The following CANX variants were observed in gnomAD, a reference collection of about 807,000 sequenced individuals.
CANX encodes the protein calnexin, also known as epididymis secretory sperm binding protein.
In CANX, 14 loss-of-function variants were observed where a neutral mutation model predicts 75.7. The ratio of observed to expected loss-of-function variants is 0.19; its 90% CI spans 0.12 to 0.29. The LOEUF (loss-of-function observed/expected upper bound fraction) is 0.29. Among genes scored for constraint, CANX ranks in the 10% least tolerant of loss-of-function variants. CANX has a pLI of 1.00. For synonymous variants in CANX, 227 were observed against 236.9 expected, an observed-to-expected ratio of 0.96 and a Z score of 0.38; for missense variants, 567 against 713.2, an observed-to-expected ratio of 0.79 and a Z score of 2.34.
At chr5:179,724,583 C>G (rs1379564747) in intron 12 of CANX, 74 bp from the exon 13 acceptor site, 3 of 1,282,740 alleles carry the variant, frequency 2.3e-6, no homozygotes, top group Non-Finnish European at 3.4e-6. Flanking sequence ...AGAACTTTGC[C>G]TGTAGGCATT....
At chr5:179,714,528 T>A (rs1024130125) in intron 7 of CANX, among the ~76,000 whole-genome samples, 1 of 151,936 alleles carries the variant, frequency 6.6e-6, no homozygotes, top group Non-Finnish European at 1.5e-5. Context: ...ATTTTTATTT[T>A]TTTTTTTGAG....
intron 9 of CANX, among the ~76,000 whole-genome samples, chr5:179,720,121 A>G (rs1008850324): frequency 6.6e-6 from 1 of 152,138 alleles, no homozygotes. Flanking sequence ...GTGAGCCACC[A>G]CACCCAGCAT....
upstream of CANX, among the ~76,000 whole-genome samples, chr5:179,695,701 A>G (rs1364267084): frequency 6.7e-6 from 1 of 149,236 alleles, no homozygotes; most frequent in Admixed American, 6.8e-5. Context: ...CCCAGGCTGG[A>G]GTGCTGTGGC....
upstream of CANX, among the ~76,000 whole-genome samples, chr5:179,696,267 CTTTTTTTTTTTTTT>C (rs34048949): frequency 1.2e-4 from 7 of 56,736 alleles, no homozygotes; most frequent in South Asian, 4.1e-3. Flanking sequence ...AGTGTCATTT[CTTTTTTTTTTTTTT>C]TTTTTTTTTT....
At chr5:179,711,161 C>T (rs1436614114) in intron 7 of CANX, among the ~76,000 whole-genome samples, 1 of 152,220 alleles carries the variant, frequency 6.6e-6, no homozygotes, top group Non-Finnish European at 1.5e-5. Context: ...TGGTGGCCCA[C>T]ACCTGTAATC....
intron 7 of CANX, among the ~76,000 whole-genome samples, chr5:179,713,550 A>C (rs963485307): frequency 1.3e-5 from 2 of 152,218 alleles, no homozygotes; most frequent in East Asian, 3.8e-4. Context: ...ACAGTAGGGA[A>C]ATTATAGTTA....
intron 12 of CANX, 25 bp from the exon 13 acceptor site, chr5:179,724,632 A>G: frequency 1.2e-6 from 2 of 1,606,912 alleles, no homozygotes; most frequent in Non-Finnish European, 1.7e-6. Context: ...ATGTAAACAA[A>G]ATTGTACTTT....
At chr5:179,680,325 G>T (rs1257319431) in intron 1 of CANX, among the ~76,000 whole-genome samples, 1 of 152,130 alleles carries the variant, frequency 6.6e-6, no homozygotes, top group Non-Finnish European at 1.5e-5. Context: ...CAATCTGGGA[G>T]GATATCTAGC....
Position 179,707,202 on chromosome 5 carries a change from A to G in CANX, c.304+12A>G. Reference sequence around the variant, plus strand: ...TGCCAAATATGATGGTGAGAATCCCATTTGGTTTAGATATAATAGCAGATA... The same window carrying G: ...TGCCAAATATGATGGTGAGAATCCCGTTTGGTTTAGATATAATAGCAGATA... On this transcript the variant is annotated intron_variant, in intron 4 of 14. Coordinates refer to ENST00000247461, the MANE Select transcript of CANX (RefSeq NM_001746.4). The G allele has an allele frequency of 6.7e-7, 1 of 1,490,924 alleles. No individual in the cohort carries two copies. The highest frequency in any genetic ancestry group is 9.4e-7 in the Non-Finnish European group (1 of 1,067,906). The allele number at this position is 1,490,924 out of a possible 1,614,324, so 92.4% of individuals were successfully genotyped here.
At chr5:179,717,370 CCT>C (rs953330975) in intron 8 of CANX, among the ~76,000 whole-genome samples, 11 of 152,160 alleles carry the variant, frequency 7.2e-5, no homozygotes, top group African/African-American at 2.2e-4. Context: ...GCGGCCACTC[CCT>C]GTTTCCTCCC....
At chr5:179,679,132 G>T (rs1004550669) in intron 1 of CANX, 6 of 1,535,680 alleles carry the variant, frequency 3.9e-6, no homozygotes, top group Non-Finnish European at 5.2e-6. Flanking sequence ...AGCACTCGAA[G>T]GTTGCCAGGG....
chr5:179,700,204 T>C (rs1187499092), intron 1 of CANX: 1 of 152,202 alleles, frequency 6.6e-6, no homozygotes, highest in Non-Finnish European at 1.5e-5. Flanking sequence ...CACAAGTGAT[T>C]GCTGGTTGAG....
Position 179,699,004 on chromosome 5 carries a change from C to A in CANX, c.-102C>A, listed in dbSNP as rs1211892979. 1 of 1,118,530 alleles carries A rather than the reference C, an allele frequency of 8.9e-7. No individual in the cohort carries two copies. Among genetic ancestry groups the A allele is most frequent in the Non-Finnish European group, 1.1e-6 (1 of 908,526 alleles). The allele number at this position is 1,118,530 out of a possible 1,614,324, so 69.3% of individuals were successfully genotyped here. ...GGCCTCTTGGTTCTGCGGCACGTGA[C>A]GGTCGGGCCGCCTCCGCCTCTCTCT... is the stretch of plus-strand genomic sequence containing the variant. On this transcript the variant is annotated 5_prime_UTR_variant, in exon 1 of 15. Coordinates refer to ENST00000247461, the MANE Select transcript of CANX (RefSeq NM_001746.4).
At chr5:179,690,999 TTA>T (rs1396867101) in intron 1 of CANX, among the ~76,000 whole-genome samples, 2 of 152,194 alleles carry the variant, frequency 1.3e-5, no homozygotes, top group Admixed American at 1.3e-4. Flanking sequence ...TATAGTGGGT[TTA>T]TGTTTATAGA....
At chr5:179,721,309 C>G (rs983564245) in intron 10 of CANX, among the ~76,000 whole-genome samples, 1 of 152,338 alleles carries the variant, frequency 6.6e-6, no homozygotes, top group Non-Finnish European at 1.5e-5. Flanking sequence ...AGGCTGGTCT[C>G]GAACTCCTGA....
intron 7 of CANX, among the ~76,000 whole-genome samples, chr5:179,713,657 C>T (rs1777728959): frequency 2.0e-5 from 3 of 152,136 alleles, no homozygotes; most frequent in Admixed American, 6.6e-5. Context: ...TGGCTCAGGC[C>T]TATAATCCCT....
intron 8 of CANX, among the ~76,000 whole-genome samples, chr5:179,719,103 T>A (rs558304508): frequency 2.6e-5 from 4 of 152,164 alleles, no homozygotes; most frequent in Non-Finnish European, 5.9e-5. Context: ...GCTATAGATA[T>A]ATATTTTCAT....
chr5:179,687,802 G>A (rs1776217053), intron 1 of CANX, among the ~76,000 whole-genome samples: 1 of 151,968 alleles, frequency 6.6e-6, no homozygotes, highest in African/African-American at 2.4e-5. Context: ...GGGAGACTGA[G>A]GCAGGCAGAT....
At chr5:179,679,161 C>T (rs1202657561) in intron 1 of CANX, 1 of 1,535,344 alleles carries the variant, frequency 6.5e-7, no homozygotes, top group Non-Finnish European at 8.7e-7. Context: ...TTGTAGGGCA[C>T]GCAGGTGCTC....
Sources: gnomAD v4.1 joint callset for allele counts (sites outside exome capture counted in the v4.1 genomes callset) on GRCh38, gnomAD v4.1.1 for gene constraint, MANE v1.5 for transcripts, NCBI Gene and HGNC (gene_info 2026-07-23, HGNC 2026-07-21) for gene names.